Variants in EDARADD observed in about 807,000 individuals in gnomAD.
The protein encoded by EDARADD is ectodysplasin-A receptor-associated adapter protein.
In EDARADD, 20 loss-of-function variants were observed where a neutral mutation model predicts 25.6. The observed-to-expected ratio is 0.78, with a 90% CI of 0.55 to 1.14. The LOEUF (loss-of-function observed/expected upper bound fraction) is 1.14, where lower values mean the gene tolerates loss of function less well. EDARADD is among the 50% of genes most tolerant of loss of function. The pLI is 0.00. For missense variants in EDARADD, 225 were observed against 270.1 expected (o/e 0.83, Z 1.17); for synonymous variants, 86 against 94.4 (o/e 0.91, Z 0.52).
intron 4 of EDARADD, among the ~76,000 whole-genome samples, chr1:236,436,305 C>G (rs1346987942): frequency 1.3e-5 from 2 of 152,020 alleles, no homozygotes; most frequent in Non-Finnish European, 2.9e-5. Flanking sequence ...TACAGGCGTG[C>G]ACCACTGCAC....
upstream of EDARADD, among the ~76,000 whole-genome samples, chr1:236,391,003 A>C (rs1176024938): frequency 1.3e-5 from 2 of 151,558 alleles, no homozygotes; most frequent in Non-Finnish European, 2.9e-5. Flanking sequence ...CTGGAGTACA[A>C]TGGTGTGATC....
At chr1:236,477,321 C>T (rs1659536339) in intron 5 of EDARADD, among the ~76,000 whole-genome samples, 1 of 151,908 alleles carries the variant, frequency 6.6e-6, no homozygotes, top group African/African-American at 2.4e-5. Flanking sequence ...CGAGACCATC[C>T]TGGCTAACAG....
At chr1:236,482,226 G>A (rs544038801) in intron 5 of EDARADD, 41 bp from the exon 6 acceptor site, 1 of 1,612,884 alleles carries the variant, frequency 6.2e-7, no homozygotes, top group South Asian at 1.1e-5. Flanking sequence ...CATATGTTAG[G>A]CCTCTTGTTG....
intron 5 of EDARADD, among the ~76,000 whole-genome samples, chr1:236,471,969 G>C (rs183712271): frequency 6.6e-6 from 1 of 152,034 alleles, no homozygotes; most frequent in African/African-American, 2.4e-5. Context: ...TTTATAACCC[G>C]CCAGCCATGA....
chr1:236,438,289 T>TGGA (rs1396008410), intron 4 of EDARADD, among the ~76,000 whole-genome samples: 2 of 152,242 alleles, frequency 1.3e-5, no homozygotes, highest in African/African-American at 4.8e-5. Context: ...GGGAATTGTG[T>TGGA]GGAGACACAG....
At chr1:236,382,606 G>C (rs1667314226) in intron 3 of EDARADD, among the ~76,000 whole-genome samples, 1 of 152,122 alleles carries the variant, frequency 6.6e-6, no homozygotes, top group African/African-American at 2.4e-5. Context: ...CTTTGTCCTT[G>C]AGCAGTTAAG....
intron 5 of EDARADD, among the ~76,000 whole-genome samples, chr1:236,481,317 T>G (rs653740): frequency 0.67 from 102,045 of 151,972 alleles, 34,506 homozygotes; most frequent in African/African-American, 0.69. Context: ...GCAGCCCCTT[T>G]TACCCCGGAG....
chr1:236,387,147 G>A (rs1572120455), intron 3 of EDARADD, among the ~76,000 whole-genome samples: 1 of 82,088 alleles, frequency 1.2e-5, no homozygotes, highest in African/African-American at 4.1e-5. Flanking sequence ...GAGGGAGGTG[G>A]GGGGGTCAGC....
At chr1:236,447,208 C>CTT (rs1264027786) in intron 4 of EDARADD, among the ~76,000 whole-genome samples, 3 of 35,930 alleles carry the variant, frequency 8.3e-5, no homozygotes, top group African/African-American at 2.4e-4. Flanking sequence ...TTCTTTCTTT[C>CTT]TTTCTTTCTT....
At chr1:236,439,253 C>A (rs950806378) in intron 4 of EDARADD, among the ~76,000 whole-genome samples, 1 of 152,206 alleles carries the variant, frequency 6.6e-6, no homozygotes, top group Non-Finnish European at 1.5e-5. Flanking sequence ...TATTCACCTA[C>A]TGAAGGATGT....
intron 3 of EDARADD, among the ~76,000 whole-genome samples, chr1:236,417,549 A>C (rs990886913): frequency 6.6e-6 from 1 of 152,190 alleles, no homozygotes; most frequent in Admixed American, 6.5e-5. Context: ...TTCCACCTCA[A>C]GCAGCCACCC....
intron 3 of EDARADD, 70 bp downstream of exon 3, chr1:236,414,369 C>T (rs1486199971): frequency 4.7e-6 from 6 of 1,273,466 alleles, no homozygotes; most frequent in Middle Eastern, 1.9e-4. Context: ...ACTAGTCGAC[C>T]TAATTTTTCA....
rs575758625 is a variant in EDARADD, at chr1:236,377,123, T to TTA, written c.-6+26296_-6+26297dup. 3.2e-3 allele frequency among the ~76,000 whole-genome samples: 466 copies of TTA among 146,888 alleles called. 6 individuals are homozygous for TTA. Among genetic ancestry groups the TTA allele is most frequent in the African/African-American group, 0.01 (414 of 40,248 alleles). On this transcript the variant is annotated intron_variant, in intron 3 of 7. Transcript: ENST00000439430. ...TTACAGCCCTTAACATATATATATTTTATATATATATATGTTATATATTTT... is the reference window on the plus strand; with the variant it reads ...TTACAGCCCTTAACATATATATATTTTATATATATATATATGTTATATATTTT...
chr1:236,423,968 T>C (rs1558119333), intron 3 of EDARADD, among the ~76,000 whole-genome samples: 1 of 151,822 alleles, frequency 6.6e-6, no homozygotes, highest in African/African-American at 2.4e-5. Flanking sequence ...TAGCCGGGCG[T>C]GGTGGTCGGC....
chr1:236,357,095 T>A (rs11577792), intron 3 of EDARADD, among the ~76,000 whole-genome samples: 48,712 of 143,070 alleles, frequency 0.34, 8,385 homozygotes, highest in African/African-American at 0.41. Context: ...AAATAAAAAA[T>A]AAAAAAAAAA....
In EDARADD at chr1:236,395,831, C is replaced by G. The variant is rs1667506143; in HGVS notation, c.61+1326C>G. 6.6e-6 allele frequency among the ~76,000 whole-genome samples: 1 copy of G among 151,932 alleles called. No homozygotes were observed. Among genetic ancestry groups the G allele is most frequent in the Non-Finnish European group, 1.5e-5 (1 of 67,932 alleles). On this transcript the variant is annotated intron_variant, in intron 1 of 5. Transcript: ENST00000334232. This position sits in a 1 kb window ranked among gnomAD's most constrained non-coding sequence, Gnocchi z 6.9. ...CCAGACCCGGAGTCGCACGGGGCTCCCAGTCCAGCCCCGCGAGCGGCTGCT... is the reference window on the plus strand; with the variant it reads ...CCAGACCCGGAGTCGCACGGGGCTCGCAGTCCAGCCCCGCGAGCGGCTGCT...
At chr1:236,455,352 G>A (rs187380736) in intron 4 of EDARADD, among the ~76,000 whole-genome samples, 11 of 152,322 alleles carry the variant, frequency 7.2e-5, no homozygotes, top group East Asian at 3.9e-4. Flanking sequence ...GAATGGACCC[G>A]ACCAGCATTT....
chr1:236,479,520 C>A (rs1200198983), intron 5 of EDARADD, among the ~76,000 whole-genome samples: 1 of 151,440 alleles, frequency 6.6e-6, no homozygotes, highest in African/African-American at 2.4e-5. Flanking sequence ...AAAAACCTCT[C>A]TATTCGCCTT....
At chr1:236,357,938 C>A (rs1043807389) in intron 3 of EDARADD, among the ~76,000 whole-genome samples, 9 of 151,266 alleles carry the variant, frequency 5.9e-5, no homozygotes. Flanking sequence ...AATGGCATGA[C>A]CTCGGCTCAC....
Sources: gnomAD v4.1 joint callset for allele counts (sites outside exome capture counted in the v4.1 genomes callset) on GRCh38, gnomAD v4.1.1 for gene constraint, Gnocchi (gnomAD v3.1) non-coding constraint, MANE v1.5 for transcripts, NCBI Gene and HGNC (gene_info 2026-07-23, HGNC 2026-07-21) for gene names.